The following PHTF2 variants were observed in gnomAD, a reference collection of about 807,000 sequenced individuals.
PHTF2 encodes putative homeodomain transcription factor 2, also known as protein PHTF2.
A neutral mutation model predicts 101.2 loss-of-function variants in PHTF2; 60 were observed. The ratio of observed to expected loss-of-function variants is 0.59; its 90% CI spans 0.48 to 0.73. PHTF2 has a LOEUF of 0.73. PHTF2 is among the 30% of genes least tolerant of loss of function. PHTF2 has a pLI of 0.00. For synonymous variants in PHTF2, 311 were observed against 307.3 expected (o/e 1.01, Z -0.13); for missense variants, 747 against 908.7 (o/e 0.82, Z 2.29).
intron 10 of PHTF2, among the ~76,000 whole-genome samples, chr7:77,921,862 G>A (rs1197061555): frequency 3.3e-5 from 5 of 152,024 alleles, no homozygotes; most frequent in Admixed American, 2.0e-4. Flanking sequence ...GTGCGCACAT[G>A]CAGTTGCTAT....
intron 1 of PHTF2, among the ~76,000 whole-genome samples, chr7:77,839,594 T>C (rs537489463): frequency 1.3e-5 from 2 of 152,292 alleles, no homozygotes; most frequent in South Asian, 2.1e-4. Flanking sequence ...ATTAAAGAGT[T>C]TTTTTGATCT....
chr7:77,910,019 A>G (rs565913123), intron 8 of PHTF2: 63 of 384,126 alleles, frequency 1.6e-4, no homozygotes, highest in Admixed American at 4.6e-4. Context: ...TCTTCTGTCC[A>G]CTGACCTGCC....
Position 77,953,755 on chromosome 7 carries a change from T to C in PHTF2, c.2212-14T>C, listed in dbSNP as rs748964150. 4 of 1,604,212 alleles carry C rather than the reference T, an allele frequency of 2.5e-6. No homozygotes were observed. Among genetic ancestry groups the C allele is most frequent in the Non-Finnish European group, 3.4e-6 (4 of 1,175,864 alleles). On this transcript the variant is annotated splice_polypyrimidine_tract_variant and intron_variant, in intron 18 of 19. Transcript: ENST00000416283. ...TTTTGAATCTGGGACTGACTTTTTT[T>C]TCTCTTCTGCTAGGAGTTGGACAGT... is the stretch of plus-strand genomic sequence containing the variant.
intron 16 of PHTF2, among the ~76,000 whole-genome samples, chr7:77,946,330 A>G (rs1054410759): frequency 4.6e-5 from 7 of 152,238 alleles, no homozygotes; most frequent in Non-Finnish European, 8.8e-5. Context: ...AGCATTATAC[A>G]TAATGATATC....
chr7:77,882,056 C>G (rs970800515), intron 3 of PHTF2, among the ~76,000 whole-genome samples: 4 of 152,114 alleles, frequency 2.6e-5, no homozygotes, highest in Admixed American at 6.5e-5. Flanking sequence ...GCAATAGGAG[C>G]TTGATCAGGA....
At chr7:77,918,647 A>T (rs987200361) in intron 9 of PHTF2, among the ~76,000 whole-genome samples, 3 of 152,080 alleles carry the variant, frequency 2.0e-5, no homozygotes, top group Non-Finnish European at 4.4e-5. Flanking sequence ...TGTTTCTATC[A>T]CTTTCTTTCC....
chr7:77,904,061 A>G (rs1801635305), intron 7 of PHTF2, among the ~76,000 whole-genome samples: 1 of 152,090 alleles, frequency 6.6e-6, no homozygotes, highest in Non-Finnish European at 1.5e-5. Flanking sequence ...ATCATCTTCT[A>G]CTTTCTGTCC....
Position 77,942,768 on chromosome 7 carries a change from AT to A in PHTF2, c.1944del (p.Phe648LeufsTer24). The A allele has an allele frequency of 6.3e-7, 1 of 1,591,316 alleles. No homozygotes were observed. On this transcript the variant is annotated frameshift_variant, in exon 16 of 20. Coordinates refer to ENST00000416283, the Ensembl canonical transcript of PHTF2. LOFTEE classifies it high-confidence loss of function. Reference sequence around the variant, plus strand: ...CTTTCTTATTGACTATCTCAGTTGTATTTATCTGTTGTGCCCAGGTGAGTTA... The same window carrying A: ...CTTTCTTATTGACTATCTCAGTTGTATTATCTGTTGTGCCCAGGTGAGTTA...
intron 11 of PHTF2, among the ~76,000 whole-genome samples, chr7:77,926,582 CA>C (rs1278016592): frequency 9.4e-4 from 129 of 137,442 alleles, no homozygotes; most frequent in Admixed American, 9.4e-4. Flanking sequence ...AGGAGATGGC[CA>C]AAAAAAAAAA....
rs550953422 is a variant in PHTF2, at chr7:77,847,301, G to T, written c.45+7001G>T. The stretch of plus-strand genomic sequence containing the variant: ...GAAGTACTGAACCATAGACAAATGC[G>T]CTTATTACATTTTCACTTTTATGTC... On this transcript the variant is annotated intron_variant, in intron 2 of 19. Coordinates refer to ENST00000416283, the Ensembl canonical transcript of PHTF2. Among the ~76,000 whole-genome samples the T allele has an allele frequency of 3.9e-5, 6 of 152,200 alleles. No individual in the cohort carries two copies. The South Asian group carries it at 8.3e-4, about 21-fold the overall frequency.
chr7:77,864,047 TG>T (rs1373028952), intron 3 of PHTF2, among the ~76,000 whole-genome samples: 2 of 152,218 alleles, frequency 1.3e-5, no homozygotes, highest in African/African-American at 4.8e-5. Flanking sequence ...CCTAGAGTGT[TG>T]GGATTACAGG....
intron 10 of PHTF2, among the ~76,000 whole-genome samples, chr7:77,920,926 C>G (rs1387046748): frequency 1.3e-5 from 2 of 152,168 alleles, no homozygotes; most frequent in African/African-American, 4.8e-5. Context: ...CTCAAGCAGT[C>G]CACCCACCTC....
At chr7:77,890,323 A>G (rs1351914972) in intron 3 of PHTF2, among the ~76,000 whole-genome samples, 1 of 152,136 alleles carries the variant, frequency 6.6e-6, no homozygotes, top group Non-Finnish European at 1.5e-5. Flanking sequence ...CACTGAACCT[A>G]GTTATGCCAA....
chr7:77,900,718 G>C, exon 6 of PHTF2: 1 of 1,531,312 alleles, frequency 6.5e-7, no homozygotes, highest in South Asian at 1.1e-5. Flanking sequence ...TAGGGGCTAA[G>C]GAATAAACCA....
exon 17 of PHTF2, chr7:77,949,761 C>T (rs748814254): frequency 7.1e-6 from 11 of 1,546,206 alleles, no homozygotes; most frequent in Non-Finnish European, 8.0e-6. Context: ...CACTTTTTCT[C>T]CTAAGATTTG....
chr7:77,948,739 C>T (rs1236075069), intron 16 of PHTF2, among the ~76,000 whole-genome samples: 11 of 152,134 alleles, frequency 7.2e-5, no homozygotes, highest in Admixed American at 4.6e-4. Flanking sequence ...TGAGAGAACA[C>T]GTCACGCCCA....
At chr7:77,867,700 A>G (rs748357426) in intron 3 of PHTF2, among the ~76,000 whole-genome samples, 1 of 152,220 alleles carries the variant, frequency 6.6e-6, no homozygotes, top group East Asian at 1.9e-4. Flanking sequence ...CTGGTGTATC[A>G]TAGGAAAAAA....
chr7:77,813,184 C>A (rs1163120491), intron 1 of PHTF2, among the ~76,000 whole-genome samples: 1 of 152,144 alleles, frequency 6.6e-6, no homozygotes, highest in African/African-American at 2.4e-5. Flanking sequence ...TAGATGTGAT[C>A]ACCAAGGGAC....
At chr7:77,838,393 C>T (rs1238435058) in intron 1 of PHTF2, among the ~76,000 whole-genome samples, 1 of 151,986 alleles carries the variant, frequency 6.6e-6, no homozygotes, top group African/African-American at 2.4e-5. Context: ...GACATTGTGA[C>T]CTTATGATAA....
Sources: gnomAD v4.1 joint callset for allele counts (sites outside exome capture counted in the v4.1 genomes callset) on GRCh38, gnomAD v4.1.1 for gene constraint, MANE v1.5 for transcripts, NCBI Gene and HGNC (gene_info 2026-07-23, HGNC 2026-07-21) for gene names.